Variants in GLCCI1 observed in about 807,000 individuals in gnomAD.
GLCCI1 encodes glucocorticoid-induced transcript 1 protein.
Under a neutral mutation model 52.2 loss-of-function variants are expected in GLCCI1, and 24 were observed. The observed-to-expected ratio is 0.46, with a 90% CI of 0.33 to 0.65. The LOEUF is 0.65. GLCCI1 is among the 30% of genes least tolerant of loss of function. GLCCI1 has a pLI of 0.02. For missense variants in GLCCI1, 704 were observed against 701.5 expected (o/e 1.00, Z -0.04); for synonymous variants, 310 against 276.5 (o/e 1.12, Z -1.20).
intron 6 of GLCCI1, among the ~76,000 whole-genome samples, chr7:8,077,733 C>T (rs919256457): frequency 6.6e-6 from 1 of 152,098 alleles, no homozygotes; most frequent in Non-Finnish European, 1.5e-5. Context: ...ATTAAGTAAC[C>T]TAGCTAATTT....
At chr7:8,059,499 A>G (rs770272618) in intron 4 of GLCCI1, among the ~76,000 whole-genome samples, 4 of 152,206 alleles carry the variant, frequency 2.6e-5, no homozygotes, top group Non-Finnish European at 4.4e-5. Context: ...TTTTTCCTTA[A>G]CAACTATTAG....
At chr7:7,979,203 C>T (rs981853923) in intron 1 of GLCCI1, among the ~76,000 whole-genome samples, 2 of 152,050 alleles carry the variant, frequency 1.3e-5, no homozygotes, top group African/African-American at 4.8e-5. Context: ...TGCAATATTT[C>T]GATCATAGAG....
At chr7:8,035,489 C>T (rs957855020) in intron 3 of GLCCI1, among the ~76,000 whole-genome samples, 5 of 152,146 alleles carry the variant, frequency 3.3e-5, no homozygotes, top group Admixed American at 6.6e-5. Context: ...TGGCTGTGTC[C>T]GCACTGATAA....
At chr7:7,992,255 C>T (rs1192139692) in intron 1 of GLCCI1, among the ~76,000 whole-genome samples, 1 of 151,836 alleles carries the variant, frequency 6.6e-6, no homozygotes, top group Non-Finnish European at 1.5e-5. Context: ...TACTATCCTT[C>T]TATGGTCATT....
chr7:8,028,713 C>T (rs1452588980), intron 3 of GLCCI1, among the ~76,000 whole-genome samples: 1 of 149,348 alleles, frequency 6.7e-6, no homozygotes, highest in African/African-American at 2.5e-5. Context: ...AAACCTGTAG[C>T]CAAGGTAACC....
At chr7:8,036,699 C>G (rs1039557530) in intron 3 of GLCCI1, among the ~76,000 whole-genome samples, 1 of 152,062 alleles carries the variant, frequency 6.6e-6, no homozygotes, top group Non-Finnish European at 1.5e-5. Flanking sequence ...TTAGGAGATA[C>G]TTTTTTAAAT....
chr7:8,072,842 T>C (rs943330943), intron 6 of GLCCI1, among the ~76,000 whole-genome samples: 1 of 152,126 alleles, frequency 6.6e-6, no homozygotes, highest in Non-Finnish European at 1.5e-5. Flanking sequence ...TTTAATACTG[T>C]GGATAATTGA....
intron 6 of GLCCI1, among the ~76,000 whole-genome samples, chr7:8,073,520 G>A (rs1782810114): frequency 6.6e-6 from 1 of 151,714 alleles, no homozygotes; most frequent in Admixed American, 6.6e-5. Flanking sequence ...TTTTTAATAT[G>A]TAAAATGAGA....
chr7:8,004,146 C>A, intron 2 of GLCCI1, 87 bp downstream of exon 2: 1 of 1,218,950 alleles, frequency 8.2e-7, no homozygotes, highest in South Asian at 2.0e-5. Flanking sequence ...AATCAAATTT[C>A]CCCAAATTTG....
intron 1 of GLCCI1, among the ~76,000 whole-genome samples, chr7:7,976,970 C>T (rs1008880098): frequency 6.6e-6 from 1 of 151,138 alleles, no homozygotes; most frequent in African/African-American, 2.4e-5. Flanking sequence ...AGATGTGTTT[C>T]GTAATGAAAA....
chr7:8,084,616 CAT>C (rs1320418619), intron 6 of GLCCI1: 9 of 267,016 alleles, frequency 3.4e-5, no homozygotes, highest in Non-Finnish European at 5.0e-5. Flanking sequence ...TAATAAATAA[CAT>C]ATTTGTTTTC....
At chr7:8,079,078 G>A (rs1211842619) in intron 6 of GLCCI1, among the ~76,000 whole-genome samples, 2 of 152,118 alleles carry the variant, frequency 1.3e-5, no homozygotes, top group Non-Finnish European at 2.9e-5. Flanking sequence ...AAATTGTAGT[G>A]AAATTTTTAT....
At chr7:8,053,563 G>T (rs1782317029) in intron 3 of GLCCI1, among the ~76,000 whole-genome samples, 1 of 149,106 alleles carries the variant, frequency 6.7e-6, no homozygotes. Context: ...TTCAACTGCT[G>T]ATCCACCTGC....
intron 1 of GLCCI1, among the ~76,000 whole-genome samples, chr7:7,995,313 G>A (rs542843599): frequency 1.1e-4 from 16 of 152,166 alleles, no homozygotes; most frequent in South Asian, 2.1e-4. Context: ...GTTCCAGACC[G>A]TCCTGGGCAA....
chr7:8,003,206 C>T (rs879579251), intron 1 of GLCCI1, among the ~76,000 whole-genome samples: 3 of 152,002 alleles, frequency 2.0e-5, no homozygotes, highest in Non-Finnish European at 2.9e-5. Flanking sequence ...GCAAGTATAT[C>T]TTAGAAGGAA....
intron 3 of GLCCI1, among the ~76,000 whole-genome samples, chr7:8,026,879 A>G (rs1781633992): frequency 6.6e-6 from 1 of 152,248 alleles, no homozygotes; most frequent in African/African-American, 2.4e-5. Context: ...TTTGTCTGGT[A>G]ATCAAGAGAA....
Position 8,086,070 on chromosome 7 carries a change from T to A in GLCCI1, c.1299-123T>A, listed in dbSNP as rs901686799. On this transcript the variant is annotated intron_variant, in intron 7 of 7. Coordinates refer to ENST00000223145, the MANE Select transcript of GLCCI1 (RefSeq NM_138426.4). The surrounding 1 kb of genome is among the most constrained non-coding windows in gnomAD (Gnocchi z 4.4). ...TATGGAAGATGTTTACCCCTCTGTA[T>A]ACACTTAACCCATCTCCTGCCATTT... 17 of 775,080 alleles carry A rather than the reference T, an allele frequency of 2.2e-5. No individual in the cohort carries two copies. Among genetic ancestry groups the A allele is most frequent in the Non-Finnish European group, 3.3e-5 (16 of 478,306 alleles). The allele number at this position is 775,080 out of a possible 1,614,324, so 48.0% of individuals were successfully genotyped here. A position where few individuals can be genotyped will look rare whatever the true frequency, so the allele number is the denominator to read the frequency against.
intron 6 of GLCCI1, among the ~76,000 whole-genome samples, chr7:8,083,016 T>G (rs1783029605): frequency 1.3e-5 from 2 of 152,200 alleles, no homozygotes; most frequent in Non-Finnish European, 2.9e-5. Flanking sequence ...ATCAAGCTGA[T>G]GCTAATGGTA....
intron 3 of GLCCI1, among the ~76,000 whole-genome samples, chr7:8,044,525 C>T (rs1782078102): frequency 6.6e-6 from 1 of 152,070 alleles, no homozygotes; most frequent in Non-Finnish European, 1.5e-5. Flanking sequence ...CATATGCCAC[C>T]ACACCTGGCT....
Sources: gnomAD v4.1 joint callset for allele counts (sites outside exome capture counted in the v4.1 genomes callset) on GRCh38, gnomAD v4.1.1 for gene constraint, Gnocchi (gnomAD v3.1) non-coding constraint, MANE v1.5 for transcripts, NCBI Gene and HGNC (gene_info 2026-07-23, HGNC 2026-07-21) for gene names.